Variants in BCAS3 observed in about 807,000 individuals in gnomAD.
BCAS3 encodes BCAS4/BCAS3 fusion.
A neutral mutation model predicts 116.1 loss-of-function variants in BCAS3; 53 were observed. That is an observed-to-expected ratio of 0.46 (90% CI 0.37 to 0.57). The LOEUF (loss-of-function observed/expected upper bound fraction) is 0.57, where lower values mean the gene tolerates loss of function less well. BCAS3 is among the 20% of genes least tolerant of loss of function. BCAS3 has a pLI of 0.00. For synonymous variants in BCAS3, 391 were observed against 408.2 expected, an observed-to-expected ratio of 0.96 and a Z score of 0.51; for missense variants, 917 against 1,165.4, an observed-to-expected ratio of 0.79 and a Z score of 3.10.
chr17:60,689,240 C>T (rs2034491858), intron 3 of BCAS3, among the ~76,000 whole-genome samples: 1 of 152,162 alleles, frequency 6.6e-6, no homozygotes. Context: ...GTGGCACGAT[C>T]TCTGTTCATT....
At chr17:61,119,650 A>G (rs1568395211) in intron 22 of BCAS3, among the ~76,000 whole-genome samples, 1 of 151,988 alleles carries the variant, frequency 6.6e-6, no homozygotes, top group Non-Finnish European at 1.5e-5. Context: ...TTATACAATT[A>G]CTCTAGATGT....
Position 61,082,924 on chromosome 17 carries a change from A to G in BCAS3, c.2328-1543A>G, listed in dbSNP as rs931719936. On this transcript the variant is annotated intron_variant, in intron 21 of 23. Transcript: ENST00000407086. This position sits in a 1 kb window ranked among gnomAD's most constrained non-coding sequence, Gnocchi z 5.1. Reference sequence around the variant, plus strand: ...TTTCTTCCTCACAACAAAAGCATGCATTTCATAACTAGTCTGCAGTTCATA... The same window carrying G: ...TTTCTTCCTCACAACAAAAGCATGCGTTTCATAACTAGTCTGCAGTTCATA... Among the ~76,000 whole-genome samples the G allele has an allele frequency of 3.3e-5, 5 of 152,178 alleles. No individual in the cohort carries two copies. The highest frequency in any genetic ancestry group is 5.9e-5 in the Non-Finnish European group (4 of 68,026).
At chr17:61,081,506 T>G (rs2072605587) in intron 21 of BCAS3, among the ~76,000 whole-genome samples, 4 of 152,248 alleles carry the variant, frequency 2.6e-5, no homozygotes. Context: ...AAATTGTTTA[T>G]GTTTGATTAG....
At chr17:60,939,606 A>T (rs1031356608) in intron 13 of BCAS3, among the ~76,000 whole-genome samples, 1 of 152,224 alleles carries the variant, frequency 6.6e-6, no homozygotes, top group Non-Finnish European at 1.5e-5. Context: ...ATTCTAAAAC[A>T]GGCAGTATTC....
intron 22 of BCAS3, among the ~76,000 whole-genome samples, chr17:61,272,313 T>C (rs1382210227): frequency 2.0e-5 from 3 of 152,004 alleles, no homozygotes; most frequent in Admixed American, 6.6e-5. Flanking sequence ...TTGGTGATAT[T>C]TATGGTGTTT....
At chr17:60,701,816 A>AAAAG (rs1191407036) in intron 4 of BCAS3, among the ~76,000 whole-genome samples, 139 of 151,166 alleles carry the variant, frequency 9.2e-4, no homozygotes, top group African/African-American at 3.2e-3. Flanking sequence ...AAAAAAAAAA[A>AAAAG]AAAAAGAAAA....
At chr17:61,319,697 A>G (rs1303945641) in intron 22 of BCAS3, among the ~76,000 whole-genome samples, 4 of 151,830 alleles carry the variant, frequency 2.6e-5, no homozygotes, top group Non-Finnish European at 5.9e-5. Context: ...CAACTAAAGT[A>G]ATTTATTTAC....
In BCAS3 at chr17:61,213,456, C is replaced by T. The variant is rs2081592614; in HGVS notation, c.2425+128892C>T. On this transcript the variant is annotated intron_variant, in intron 22 of 23. Transcript: ENST00000407086. This position sits in a 1 kb window ranked among gnomAD's most constrained non-coding sequence, Gnocchi z 5.4. ...GTGCTGGGATTACAGGTGTGAGCCA[C>T]CGCGCCTGGCCTATTCATATATTTT... Among the ~76,000 whole-genome samples the T allele has an allele frequency of 6.6e-6, 1 of 152,120 alleles. No individual in the cohort carries two copies. The highest frequency in any genetic ancestry group is 2.4e-5 in the African/African-American group (1 of 41,418).
chr17:61,320,014 C>T (rs962909591), intron 22 of BCAS3, among the ~76,000 whole-genome samples: 3 of 151,596 alleles, frequency 2.0e-5, no homozygotes, highest in Non-Finnish European at 4.4e-5. Flanking sequence ...CTCAGCCTCC[C>T]GAGCAGCTGG....
chr17:60,947,438 A>T, intron 14 of BCAS3, 86 bp downstream of exon 14: 1 of 1,340,348 alleles, frequency 7.5e-7, no homozygotes, highest in Non-Finnish European at 1.0e-6. Context: ...ATTGCAGCTT[A>T]ATGTTGATGT....
chr17:60,981,335 A>G (rs751084241), intron 14 of BCAS3, among the ~76,000 whole-genome samples: 1 of 151,404 alleles, frequency 6.6e-6, no homozygotes, highest in Non-Finnish European at 1.5e-5. Flanking sequence ...GCTGGAGTGC[A>G]GTGGCATGAT....
At position 61,162,337 on chromosome 17, in the gene BCAS3, T is replaced by G. The variant is rs1353930478; in HGVS notation, c.2425+77773T>G. On this transcript the variant is annotated intron_variant, in intron 22 of 23. Transcript: ENST00000407086. The surrounding 1 kb of genome is among the most constrained non-coding windows in gnomAD (Gnocchi z 5.6). ...ATCATTTCTCAGGAGAAGGAGAGCT[T>G]GCGAATGGAAGGGGTGTTCCTGCCA... Among the ~76,000 whole-genome samples, 1 of 152,150 alleles carries G rather than the reference T, an allele frequency of 6.6e-6. No homozygotes were observed. Among genetic ancestry groups the G allele is most frequent in the Non-Finnish European group, 1.5e-5 (1 of 68,022 alleles).
intron 10 of BCAS3, chr17:60,891,809 T>C: frequency 2.2e-6 from 1 of 450,896 alleles, no homozygotes; most frequent in South Asian, 1.6e-5. Flanking sequence ...GCCTCTTCCC[T>C]CCCCCTTTTG....
intron 20 of BCAS3, among the ~76,000 whole-genome samples, chr17:61,076,548 G>A (rs569224769): frequency 1.3e-4 from 20 of 152,256 alleles, no homozygotes; most frequent in African/African-American, 4.3e-4. Flanking sequence ...TCAAAATGTT[G>A]TCCAAGGAAT....
chr17:60,782,732 C>T (rs562660827), intron 6 of BCAS3, among the ~76,000 whole-genome samples: 2 of 151,854 alleles, frequency 1.3e-5, no homozygotes, highest in Non-Finnish European at 1.5e-5. Context: ...GCTACAGGTA[C>T]GCACCACCGC....
At chr17:60,890,577 C>T (rs971412984) in intron 10 of BCAS3, among the ~76,000 whole-genome samples, 1 of 152,002 alleles carries the variant, frequency 6.6e-6, no homozygotes, top group African/African-American at 2.4e-5. Context: ...TTGTTGACTT[C>T]TTCGGTTATT....
chr17:60,983,345 T>G (rs2062928821), intron 14 of BCAS3, among the ~76,000 whole-genome samples: 2 of 152,168 alleles, frequency 1.3e-5, no homozygotes, highest in South Asian at 2.1e-4. Flanking sequence ...TTTTTTTCAT[T>G]TTTAATAATG....
intron 19 of BCAS3, among the ~76,000 whole-genome samples, chr17:61,060,359 T>C (rs1289553614): frequency 6.6e-6 from 1 of 151,610 alleles, no homozygotes; most frequent in African/African-American, 2.4e-5. Context: ...ATGGTCTCGA[T>C]CTCCTGACCT....
chr17:61,058,033 T>C (rs539683654), intron 19 of BCAS3, among the ~76,000 whole-genome samples: 1 of 152,284 alleles, frequency 6.6e-6, no homozygotes, highest in Admixed American at 6.5e-5. Context: ...TCTGGAGTTC[T>C]GACTGTTCCA....
Sources: gnomAD v4.1 joint callset for allele counts (sites outside exome capture counted in the v4.1 genomes callset) on GRCh38, gnomAD v4.1.1 for gene constraint, Gnocchi (gnomAD v3.1) non-coding constraint, MANE v1.5 for transcripts, NCBI Gene and HGNC (gene_info 2026-07-23, HGNC 2026-07-21) for gene names.